SAMD5: variants seen among roughly 807,000 people sequenced by gnomAD.
SAMD5 encodes sterile alpha motif domain containing 5.
Under a neutral mutation model 11.3 loss-of-function variants are expected in SAMD5, and 13 were observed. The observed-to-expected ratio is 1.15, with a 90% confidence interval of 0.75 to 1.83. The LOEUF is 1.83. Ranked by LOEUF, SAMD5 falls within the 40% of genes most tolerant of loss-of-function variation. SAMD5 has a pLI of 0.00. For synonymous variants in SAMD5, 129 were observed against 111.3 expected (o/e 1.16, Z -1.00); for missense variants, 255 against 239.1 (o/e 1.07, Z -0.44).
chr6:147,829,700 G>A, the SAMD5 span, among the ~76,000 whole-genome samples: 1 of 152,106 alleles, frequency 6.6e-6, no homozygotes, highest in Non-Finnish European at 1.5e-5. Flanking sequence ...CTTTCCAGGT[G>A]TTCTCCAGGT....
the SAMD5 span, among the ~76,000 whole-genome samples, chr6:147,852,934 T>G: frequency 6.6e-6 from 1 of 152,232 alleles, no homozygotes; most frequent in Admixed American, 6.5e-5. Flanking sequence ...CTTTTACATT[T>G]ATTTTTCATA....
At chr6:147,715,393 T>C (rs1791452594) in intron 1 of SAMD5, among the ~76,000 whole-genome samples, 1 of 152,174 alleles carries the variant, frequency 6.6e-6, no homozygotes, top group Non-Finnish European at 1.5e-5. Context: ...AGGCTGAGGT[T>C]GGACCAGGTG....
the SAMD5 span, among the ~76,000 whole-genome samples, chr6:147,808,033 A>T: frequency 2.0e-5 from 3 of 152,312 alleles, no homozygotes; most frequent in East Asian, 5.8e-4. Flanking sequence ...TGTTTTCTGA[A>T]AGAAGACACA....
intron 1 of SAMD5, among the ~76,000 whole-genome samples, chr6:147,541,461 T>C (rs1788602798): frequency 6.6e-6 from 1 of 152,158 alleles, no homozygotes; most frequent in Non-Finnish European, 1.5e-5. Context: ...TTCCCGTTGG[T>C]CCCTGTTGTC....
intron 1 of SAMD5, among the ~76,000 whole-genome samples, chr6:147,693,245 G>A (rs184013870): frequency 1.1e-4 from 16 of 152,258 alleles, no homozygotes; most frequent in East Asian, 1.9e-4. Flanking sequence ...CATCCCTAAC[G>A]AAGTCCTTTC....
At position 147,599,159 on chromosome 6, in the gene SAMD5, G is replaced by C. The variant is rs149407614; in HGVS notation, c.162+89772G>C. ...TTGATTGGGCAAGGCTAGGACTTCTGTGACCTTGATGGAGTGATGGTAAAG... is the reference window on the plus strand; with the variant it reads ...TTGATTGGGCAAGGCTAGGACTTCTCTGACCTTGATGGAGTGATGGTAAAG... On this transcript the variant is annotated intron_variant, in intron 1 of 1. Transcript: ENST00000566741. Among the ~76,000 whole-genome samples the C allele has an allele frequency of 8.3e-3, 1,270 of 152,288 alleles. 10 individuals are homozygous for C. The highest frequency in any genetic ancestry group is 0.027 in the Middle Eastern group (8 of 294).
the SAMD5 span, among the ~76,000 whole-genome samples, chr6:147,836,894 A>G: frequency 1.2e-4 from 19 of 152,226 alleles, no homozygotes; most frequent in Admixed American, 1.3e-4. Flanking sequence ...AAGTTTATAT[A>G]AAAATTCTCC....
chr6:147,549,256 A>G (rs1788731423), intron 1 of SAMD5, among the ~76,000 whole-genome samples: 1 of 152,196 alleles, frequency 6.6e-6, no homozygotes, highest in South Asian at 2.1e-4. Flanking sequence ...GCCACGGTTG[A>G]GCAAACAGCT....
chr6:147,643,599 T>G (rs1000713553), intron 1 of SAMD5, among the ~76,000 whole-genome samples: 1 of 152,152 alleles, frequency 6.6e-6, no homozygotes, highest in African/African-American at 2.4e-5. Context: ...TATTTACCAA[T>G]CAGAAGTTAT....
At chr6:147,589,111 T>C (rs971094844) in intron 1 of SAMD5, among the ~76,000 whole-genome samples, 9 of 151,906 alleles carry the variant, frequency 5.9e-5, no homozygotes, top group Non-Finnish European at 8.8e-5. Context: ...CATACCACCA[T>C]ACCCAGCCAA....
intron 1 of SAMD5, among the ~76,000 whole-genome samples, chr6:147,589,986 G>T (rs1789430373): frequency 6.6e-6 from 1 of 152,164 alleles, no homozygotes; most frequent in African/African-American, 2.4e-5. Flanking sequence ...ACTCTGAGCA[G>T]ATATTGCTTT....
At chr6:147,699,517 A>G (rs376231173) in intron 1 of SAMD5, among the ~76,000 whole-genome samples, 24 of 152,190 alleles carry the variant, frequency 1.6e-4, no homozygotes, top group African/African-American at 5.5e-4. Flanking sequence ...CAGTGAACTA[A>G]ACAGCTGGGG....
chr6:147,917,537 G>A, the SAMD5 span, among the ~76,000 whole-genome samples: 1 of 151,918 alleles, frequency 6.6e-6, no homozygotes, highest in Non-Finnish European at 1.5e-5. Flanking sequence ...AGTTTCTTTT[G>A]CTGTGCAGAA....
intron 1 of SAMD5, among the ~76,000 whole-genome samples, chr6:147,517,514 G>A (rs1167074408): frequency 6.6e-6 from 1 of 152,154 alleles, no homozygotes; most frequent in Admixed American, 6.5e-5. Flanking sequence ...ATTTTTAGTG[G>A]AAATGATACC....
chr6:147,900,019 A>G, the SAMD5 span, among the ~76,000 whole-genome samples: 1 of 152,190 alleles, frequency 6.6e-6, no homozygotes, highest in Non-Finnish European at 1.5e-5. Flanking sequence ...CTAAAAGCAA[A>G]TGTGAATCTA....
intron 1 of SAMD5, among the ~76,000 whole-genome samples, chr6:147,705,599 C>A (rs916317243): frequency 6.6e-6 from 1 of 152,140 alleles, no homozygotes; most frequent in African/African-American, 2.4e-5. Context: ...GTGTTACCAG[C>A]ATTTTGCATT....
At chr6:147,951,363 G>A in the SAMD5 span, among the ~76,000 whole-genome samples, 8 of 151,918 alleles carry the variant, frequency 5.3e-5, no homozygotes, top group Admixed American at 5.2e-4. Flanking sequence ...TGTATTTTTA[G>A]TAGAGACTGG....
chr6:147,591,861 T>G (rs1291141166), intron 1 of SAMD5, among the ~76,000 whole-genome samples: 1 of 152,098 alleles, frequency 6.6e-6, no homozygotes, highest in Non-Finnish European at 1.5e-5. Context: ...CAGAGCCTTC[T>G]CAGAGTTCCT....
the SAMD5 span, among the ~76,000 whole-genome samples, chr6:147,882,156 G>A: frequency 6.6e-6 from 1 of 152,118 alleles, no homozygotes; most frequent in Admixed American, 6.5e-5. Context: ...CTTAAGCTTA[G>A]GATAGAATGA....
Sources: gnomAD v4.1 joint callset for allele counts (sites outside exome capture counted in the v4.1 genomes callset) on GRCh38, gnomAD v4.1.1 for gene constraint, MANE v1.5 for transcripts, NCBI Gene and HGNC (gene_info 2026-07-23, HGNC 2026-07-21) for gene names.